The following DPYSL3 variants were observed in gnomAD, a reference collection of about 807,000 sequenced individuals.
DPYSL3 encodes dihydropyrimidinase like 3.
DPYSL3 carries 16 observed loss-of-function variants against 66.1 expected under a neutral mutation model. That is an observed-to-expected ratio of 0.24 (90% confidence interval 0.16 to 0.37). The LOEUF (loss-of-function observed/expected upper bound fraction) is 0.37, where lower values mean the gene tolerates loss of function less well. DPYSL3 is among the 10% of genes least tolerant of loss of function. The probability of loss-of-function intolerance (pLI) is 1.00; values close to 1 mark genes in which losing one functional copy is unlikely to be tolerated. For missense variants in DPYSL3, 738 were observed against 916.2 expected (o/e 0.81, Z 2.51); for synonymous variants, 338 against 345.1 (o/e 0.98, Z 0.23).
At position 147,439,664 on chromosome 5, in the gene DPYSL3, G is replaced by A. The variant is rs879531144; in HGVS notation, c.382-14701C>T. On this transcript the variant is annotated intron_variant, in intron 1 of 13. Coordinates refer to ENST00000343218, the MANE Select transcript of DPYSL3 (RefSeq NM_001197294.2). ...TAGGGGTAGGCAAAGTGAAACCACA[G>A]AGAAAAGTTAGAAGAGTTCTTGGAG... Among the ~76,000 whole-genome samples the A allele has an allele frequency of 3.3e-5, 5 of 152,194 alleles. No homozygotes were observed. In the East Asian group the frequency reaches 5.8e-4, roughly 18 times the overall value.
intron 1 of DPYSL3, among the ~76,000 whole-genome samples, chr5:147,434,029 A>AC (rs1554114340): frequency 3.6e-5 from 1 of 27,428 alleles, no homozygotes; most frequent in Non-Finnish European, 7.7e-5. Flanking sequence ...ACTCCGTCTC[A>AC]AAAAAAAAAA....
chr5:147,408,005 T>A (rs1244281078), intron 7 of DPYSL3, among the ~76,000 whole-genome samples: 1 of 152,206 alleles, frequency 6.6e-6, no homozygotes, highest in Non-Finnish European at 1.5e-5. Context: ...GATATGGGAA[T>A]CATTTCTGGT....
chr5:147,391,682 T>C lies in DPYSL3; in HGVS notation c.*2353A>G, dbSNP rs1314139464. 6.6e-6 allele frequency: 1 copy of C among 152,196 alleles called. No individual in the cohort carries two copies. The highest frequency in any genetic ancestry group is 1.5e-5 in the Non-Finnish European group (1 of 68,042). The allele number at this position is 152,196 out of a possible 1,614,324, so 9.4% of individuals were successfully genotyped here. ...TCTTATGAAACGAAACAAATCTGAA[T>C]ATAAATTTTAAAATAGTGGGAGTTA... On this transcript the variant is annotated 3_prime_UTR_variant, in exon 14 of 14. Transcript: ENST00000343218.
chr5:147,428,663 C>T (rs1222205976), intron 1 of DPYSL3, among the ~76,000 whole-genome samples: 1 of 152,132 alleles, frequency 6.6e-6, no homozygotes, highest in Non-Finnish European at 1.5e-5. Flanking sequence ...AAGTTGCTCT[C>T]TCCTTGGCAG....
At position 147,400,797 on chromosome 5, in the gene DPYSL3, G is replaced by T; in HGVS notation, c.1347C>A (p.Thr449=). Reference sequence around the variant, plus strand: ...CAATTGCTTTCTGGGCAGTGCTGAAGGTGCAGTGGGCACTCCCAGATAGCT... The same window carrying T: ...CAATTGCTTTCTGGGCAGTGCTGAATGTGCAGTGGGCACTCCCAGATAGCT... ...DLQLSGSAHC[T]FSTAQKAIGK... is the part of the protein sequence containing the mutation. Residue 449 remains threonine, a synonymous_variant, in exon 10 of 14, where the codon ACC becomes ACA. Coordinates refer to ENST00000343218, the MANE Select transcript of DPYSL3 (RefSeq NM_001197294.2). The T allele has an allele frequency of 6.2e-7, 1 of 1,614,172 alleles. No homozygotes were observed.
intron 8 of DPYSL3, among the ~76,000 whole-genome samples, chr5:147,404,427 T>C (rs1462804148): frequency 6.6e-6 from 1 of 152,258 alleles, no homozygotes; most frequent in Non-Finnish European, 1.5e-5. Flanking sequence ...TATTTTTAGC[T>C]ACTGCAATCA....
intron 1 of DPYSL3, among the ~76,000 whole-genome samples, chr5:147,487,904 C>T (rs1234626442): frequency 6.6e-6 from 1 of 152,090 alleles, no homozygotes; most frequent in Non-Finnish European, 1.5e-5. Context: ...TAAAAAGTTC[C>T]CTTAGTGCAC....
intron 1 of DPYSL3, among the ~76,000 whole-genome samples, chr5:147,464,706 T>C (rs1025440518): frequency 5.9e-5 from 9 of 152,126 alleles, no homozygotes; most frequent in Admixed American, 3.9e-4. Flanking sequence ...CTCTGCCCCT[T>C]CCATGTCCTA....
chr5:147,442,639 G>A (rs959040397), intron 1 of DPYSL3, among the ~76,000 whole-genome samples: 6 of 151,486 alleles, frequency 4.0e-5, no homozygotes, highest in East Asian at 1.9e-4. Context: ...CAAAGATCTC[G>A]GAAAAAATCA....
At chr5:147,421,427 AT>A (rs1752075047) in intron 2 of DPYSL3, among the ~76,000 whole-genome samples, 1 of 152,336 alleles carries the variant, frequency 6.6e-6, no homozygotes, top group South Asian at 2.1e-4. Flanking sequence ...GAAAATGGCC[AT>A]ATTGCCCCAA....
intron 1 of DPYSL3, among the ~76,000 whole-genome samples, chr5:147,467,784 C>A (rs760400942): frequency 1.3e-5 from 2 of 152,142 alleles, no homozygotes; most frequent in Non-Finnish European, 2.9e-5. Context: ...TCTTAGACTG[C>A]GTAATGTACA....
chr5:147,396,551 G>T (rs1256173280), intron 12 of DPYSL3, among the ~76,000 whole-genome samples: 1 of 152,160 alleles, frequency 6.6e-6, no homozygotes, highest in African/African-American at 2.4e-5. Flanking sequence ...AAGAAGTCCT[G>T]TCAGAGCCTC....
intron 1 of DPYSL3, among the ~76,000 whole-genome samples, chr5:147,470,321 T>TAACATAGATTCCGGAAAC (rs1753067736): frequency 6.6e-6 from 1 of 152,112 alleles, no homozygotes; most frequent in Admixed American, 6.6e-5. Context: ...TAAACAAATC[T>TAACATAGATTCCGGAAAC]AACATAGATT....
At chr5:147,401,294 G>A (rs1374203310) in intron 9 of DPYSL3, among the ~76,000 whole-genome samples, 1 of 152,160 alleles carries the variant, frequency 6.6e-6, no homozygotes, top group East Asian at 1.9e-4. Flanking sequence ...TCTTACCATA[G>A]AGCTTGGTAC....
intron 1 of DPYSL3, among the ~76,000 whole-genome samples, chr5:147,430,840 A>G (rs181611674): frequency 2.6e-5 from 4 of 152,286 alleles, no homozygotes; most frequent in African/African-American, 7.2e-5. Context: ...CTTCCCAGTC[A>G]ATAAAGTCAG....
At chr5:147,464,484 A>G (rs1752983608) in intron 1 of DPYSL3, among the ~76,000 whole-genome samples, 1 of 152,202 alleles carries the variant, frequency 6.6e-6, no homozygotes, top group Non-Finnish European at 1.5e-5. Flanking sequence ...CAGAGTCTGT[A>G]AACAAGCAAG....
At position 147,413,615 on chromosome 5, in the gene DPYSL3, T is replaced by A; in HGVS notation, c.863A>T (p.Tyr288Phe). The stretch of plus-strand genomic sequence containing the variant: ...TGTTACCTCTGTGTTAGATACTTGA[T>A]ACAAATCCTTATAAGCCATATAAAC... ...FMVYMAYKDL[Y>F]QVSNTELYEI... is the part of the protein sequence containing the mutation. The change falls in exon 5 of 14, where the codon TAT becomes TTT. Residue 288 changes from tyrosine to phenylalanine, a missense_variant. By Grantham distance (22) the Tyr-to-Phe change is conservative. Transcript: ENST00000343218. 6.2e-7 allele frequency: 1 copy of A among 1,613,362 alleles called. No individual in the cohort carries two copies. The highest frequency in any genetic ancestry group is 1.3e-5 in the African/African-American group (1 of 75,004).
At chr5:147,427,149 T>A (rs1324058313) in intron 1 of DPYSL3, among the ~76,000 whole-genome samples, 4 of 152,214 alleles carry the variant, frequency 2.6e-5, no homozygotes, top group African/African-American at 7.2e-5. Context: ...CTAGCAGTCA[T>A]CTCCTTTGTC....
chr5:147,434,554 AT>A (rs1426680650), intron 1 of DPYSL3, among the ~76,000 whole-genome samples: 1 of 152,216 alleles, frequency 6.6e-6, no homozygotes, highest in Non-Finnish European at 1.5e-5. Context: ...GAGTTTAATA[AT>A]TCATTCCTGA....
Sources: gnomAD v4.1 joint callset for allele counts (sites outside exome capture counted in the v4.1 genomes callset) on GRCh38, gnomAD v4.1.1 for gene constraint, MANE v1.5 for transcripts, NCBI Gene and HGNC (gene_info 2026-07-23, HGNC 2026-07-21) for gene names.